The following PATJ variants were observed in gnomAD, a reference collection of about 807,000 sequenced individuals.
PATJ encodes the protein PATJ crumbs cell polarity complex component.
A neutral mutation model predicts 224.9 loss-of-function variants in PATJ; 190 were observed. The ratio of observed to expected loss-of-function variants is 0.84; its 90% CI spans 0.75 to 0.95. PATJ has a LOEUF of 0.95. Ranked by LOEUF, PATJ falls within the 40% of genes least tolerant of loss-of-function variation. PATJ has a pLI of 0.00. For synonymous variants in PATJ, 769 were observed against 820.3 expected (o/e 0.94, Z 1.07); for missense variants, 2,121 against 2,270.3 (o/e 0.93, Z 1.34).
chr1:62,063,390 C>T lies in PATJ; in HGVS notation c.4125+12332C>T, dbSNP rs998326168. Among the ~76,000 whole-genome samples, 12 of 152,028 alleles carry T rather than the reference C, an allele frequency of 7.9e-5. No individual in the cohort carries two copies. In the South Asian group the frequency reaches 1.0e-3, roughly 13 times the overall value. On this transcript the variant is annotated intron_variant, in intron 31 of 43. Transcript: ENST00000642238. ...TGTCTGTTTTTGTGCCAGTACCATG[C>T]TGTTTTAGTTATTATAGCTATATAG...
intron 35 of PATJ, among the ~76,000 whole-genome samples, chr1:62,115,240 G>A (rs912626548): frequency 1.3e-5 from 2 of 152,142 alleles, no homozygotes; most frequent in Non-Finnish European, 2.9e-5. Flanking sequence ...AACTTGGGAG[G>A]TGGAGGTTGC....
intron 29 of PATJ, 103 bp from the exon 30 acceptor site, chr1:62,037,874 C>T (rs1032114905): frequency 2.0e-6 from 1 of 495,738 alleles, no homozygotes; most frequent in East Asian, 3.3e-5. Context: ...TTCTATGATG[C>T]TGTGTGTGCA....
chr1:62,152,061 AT>A (rs1668687500), intron 42 of PATJ, among the ~76,000 whole-genome samples: 2 of 151,660 alleles, frequency 1.3e-5, no homozygotes, highest in South Asian at 4.2e-4. Flanking sequence ...TCTCTCCTGG[AT>A]TTCAGTTCTC....
intron 29 of PATJ, among the ~76,000 whole-genome samples, chr1:62,034,099 G>A (rs1311570740): frequency 1.3e-5 from 2 of 152,136 alleles, no homozygotes; most frequent in African/African-American, 2.4e-5. Flanking sequence ...ATTCCTGACT[G>A]TGTTCTCTTT....
At chr1:61,806,606 G>A (rs570699999) in intron 13 of PATJ, among the ~76,000 whole-genome samples, 3 of 148,192 alleles carry the variant, frequency 2.0e-5, no homozygotes, top group Admixed American at 6.7e-5. Flanking sequence ...GTGACAGAGC[G>A]AGATTCCGCC....
In PATJ at chr1:61,903,775, CTT is replaced by C. The variant is rs11331898; in HGVS notation, c.3381+2330_3381+2331del. On this transcript the variant is annotated intron_variant, in intron 24 of 43. Coordinates refer to ENST00000642238, the MANE Select transcript of PATJ (RefSeq NM_001350145.3). ...AGTTATTAATTTACATGGTACTTTG[CTT>C]TTTTTTTTTTTTTGAGATGGAGTCT... 6.5e-4 allele frequency among the ~76,000 whole-genome samples: 85 copies of C among 131,592 alleles called. 3 individuals are homozygous for C. The highest frequency in any genetic ancestry group is 7.5e-4 in the Non-Finnish European group (46 of 61,460). 86.3% of individuals were successfully genotyped at this position (131,592 alleles called of 152,430 possible).
intron 25 of PATJ, among the ~76,000 whole-genome samples, chr1:61,912,458 G>A (rs1449031805): frequency 2.0e-5 from 3 of 151,588 alleles, no homozygotes; most frequent in African/African-American, 7.3e-5. Flanking sequence ...GCTGAGTGCG[G>A]TGGTTTACAC....
chr1:62,129,224 G>T (rs981696733), intron 41 of PATJ, among the ~76,000 whole-genome samples: 1 of 152,146 alleles, frequency 6.6e-6, no homozygotes, highest in African/African-American at 2.4e-5. Context: ...GTGTTCTTTT[G>T]TAAATCAGAA....
rs531154119 is a variant in PATJ at position 62,110,439 on chromosome 1, C to T, written c.4461+1919C>T. Among the ~76,000 whole-genome samples the T allele has an allele frequency of 2.5e-4, 38 of 152,292 alleles. 1 individual carries two copies. Among genetic ancestry groups the T allele is most frequent in the African/African-American group, 8.9e-4 (37 of 41,562 alleles). Reference sequence around the variant, plus strand: ...ACTTTCCCAAACAATGCCCTTTGCACTCGTGAGAGTCCTCCGCATTCCGCA... The same window carrying T: ...ACTTTCCCAAACAATGCCCTTTGCATTCGTGAGAGTCCTCCGCATTCCGCA... On this transcript the variant is annotated intron_variant, in intron 34 of 43. Transcript: ENST00000642238.
At chr1:61,816,645 C>T (rs536504391) in intron 14 of PATJ, 29 of 152,208 alleles carry the variant, frequency 1.9e-4, no homozygotes, top group African/African-American at 5.8e-4. Context: ...ATGGGCAAGA[C>T]GTACAATTTA....
intron 27 of PATJ, among the ~76,000 whole-genome samples, chr1:61,940,033 C>T (rs1266376759): frequency 2.0e-5 from 3 of 151,908 alleles, no homozygotes; most frequent in Non-Finnish European, 2.9e-5. Context: ...AGTCATTGTC[C>T]ATGTAAATAT....
At chr1:61,791,683 T>A (rs1419671698) in intron 9 of PATJ, among the ~76,000 whole-genome samples, 1 of 152,182 alleles carries the variant, frequency 6.6e-6, no homozygotes, top group African/African-American at 2.4e-5. Context: ...TAGTGTATAA[T>A]ATTTGAATTG....
chr1:62,116,466 C>T (rs1664451986), intron 35 of PATJ, 66 bp from the exon 36 acceptor site: 1 of 1,559,694 alleles, frequency 6.4e-7, no homozygotes. Flanking sequence ...TCCTGTCACA[C>T]ACACACGTAT....
At chr1:61,921,336 C>T (rs958793399) in intron 26 of PATJ, among the ~76,000 whole-genome samples, 2 of 152,156 alleles carry the variant, frequency 1.3e-5, no homozygotes, top group Admixed American at 6.5e-5. Flanking sequence ...CTGGATTGGC[C>T]ACTGTCTTTC....
At chr1:61,780,642 T>G (rs1409087205) in intron 7 of PATJ, among the ~76,000 whole-genome samples, 1 of 150,998 alleles carries the variant, frequency 6.6e-6, no homozygotes, top group Non-Finnish European at 1.5e-5. Flanking sequence ...TTAATAGGTT[T>G]GTTTGTTGGA....
intron 28 of PATJ, among the ~76,000 whole-genome samples, chr1:62,000,202 T>G (rs868066366): frequency 9.1e-5 from 10 of 109,466 alleles, no homozygotes; most frequent in Non-Finnish European, 1.4e-4. Context: ...AGTTTTTTGT[T>G]TTTTTTTTTT....
rs1433329003 is a variant in PATJ at position 62,161,953 on chromosome 1, A to G, written c.*899A>G. ...TGTCTTCTGTATGACTTATGGTCAA[A>G]TAAGTCTCAAATTCATTTCTCTGGA... is the stretch of plus-strand genomic sequence containing the variant. On this transcript the variant is annotated 3_prime_UTR_variant, in exon 44 of 44. Coordinates refer to ENST00000642238, the MANE Select transcript of PATJ (RefSeq NM_001350145.3). 1 of 152,228 alleles carries G rather than the reference A, an allele frequency of 6.6e-6. No individual in the cohort carries two copies. The highest frequency in any genetic ancestry group is 2.4e-5 in the African/African-American group (1 of 41,456). The allele number at this position is 152,228 out of a possible 1,614,324, so 9.4% of individuals were successfully genotyped here.
intron 17 of PATJ, among the ~76,000 whole-genome samples, chr1:61,855,267 C>T (rs1334759375): frequency 6.6e-6 from 1 of 152,108 alleles, no homozygotes; most frequent in Admixed American, 6.5e-5. Flanking sequence ...GTTCCCAGAC[C>T]TCGTATGGTC....
At chr1:61,893,023 T>A (rs999471853) in intron 22 of PATJ, among the ~76,000 whole-genome samples, 2 of 152,234 alleles carry the variant, frequency 1.3e-5, no homozygotes, top group Non-Finnish European at 2.9e-5. Flanking sequence ...CAAATTTACA[T>A]CTTAATATGT....
Sources: allele counts gnomAD v4.1 joint callset (sites outside exome capture counted in the v4.1 genomes callset), GRCh38; gene constraint gnomAD v4.1.1; transcripts MANE v1.5; gene names NCBI Gene and HGNC (gene_info 2026-07-23, HGNC 2026-07-21).